Variants in TMEM143 observed in about 807,000 individuals in gnomAD.
TMEM143 encodes transmembrane protein 143.
TMEM143 carries 45 observed loss-of-function variants against 40.3 expected under a neutral mutation model. The ratio of observed to expected loss-of-function variants is 1.12; its 90% CI spans 0.88 to 1.43. The LOEUF is 1.43. Among genes scored for constraint, TMEM143 ranks in the 40% most tolerant of loss-of-function variants. The pLI is 0.00. For synonymous variants in TMEM143, 299 were observed against 282.7 expected (o/e 1.06, Z -0.58); for missense variants, 620 against 613.4 (o/e 1.01, Z -0.11).
At chr19:48,338,423 G>C (rs1360849427) in intron 6 of TMEM143, among the ~76,000 whole-genome samples, 3 of 152,272 alleles carry the variant, frequency 2.0e-5, no homozygotes. Context: ...GGCCCTCCCT[G>C]TCACCTCCTG....
rs369405370 is a variant in TMEM143 at position 48,345,325 on chromosome 19, C to T, written c.399G>A (p.Arg133=). Residue 133 remains arginine, a synonymous_variant, in exon 4 of 8, where the codon AGG becomes AGA. Coordinates refer to ENST00000293261, the MANE Select transcript of TMEM143 (RefSeq NM_018273.4). ...QALYDPINPD[R]ETLDQPSLTD... is the part of the protein sequence containing the mutation. ...TTAGTGATGGCTGATCGAGGGTCTC[C>T]CTGTCAGGGTTGATGGGGTCATATA... The T allele has an allele frequency of 3.8e-6, 6 of 1,586,714 alleles. No individual in the cohort carries two copies. The highest frequency in any genetic ancestry group is 1.2e-5 in the South Asian group (1 of 86,076).
chr19:48,342,769 G>T lies in TMEM143; in HGVS notation c.736C>A (p.Arg246=). 6.2e-7 allele frequency: 1 copy of T among 1,611,458 alleles called. No individual in the cohort carries two copies. Among genetic ancestry groups the T allele is most frequent in the East Asian group, 2.2e-5 (1 of 44,792 alleles). ...KRVVLAARTK[R]GHLVLKSFKD... is the part of the protein sequence containing the mutation. ...AAACTCTTCAGTACCAGGTGTCCCCGTTTGGTCCGGGCTGCCAGGACCACC... is the reference window on the plus strand; with the variant it reads ...AAACTCTTCAGTACCAGGTGTCCCCTTTTGGTCCGGGCTGCCAGGACCACC... The change falls in exon 6 of 8, where the codon CGG becomes AGG. Residue 246 remains arginine, a synonymous_variant. Transcript: ENST00000293261.
At chr19:48,363,160 C>T in intron 2 of TMEM143, 131 bp downstream of exon 2, 4 of 1,318,856 alleles carry the variant, frequency 3.0e-6, no homozygotes, top group Non-Finnish European at 3.0e-6. Context: ...ACTAGGGAAA[C>T]ACGAAGGGAC....
rs1156281763 is a variant in TMEM143, at chr19:48,363,525, C to G, written c.30G>C (p.Arg10=). The G allele has an allele frequency of 6.2e-7, 1 of 1,608,918 alleles. No homozygotes were observed. The highest frequency in any genetic ancestry group is 8.5e-7 in the Non-Finnish European group (1 of 1,177,246). Reference sequence around the variant, plus strand: ...CATGCAGCATGGCTAGACCCTTTCCCCGGAGCCTAAACAGAGGAAAATGGG... The same window carrying G: ...CATGCAGCATGGCTAGACCCTTTCCGCGGAGCCTAAACAGAGGAAAATGGG... MTVELWLRL[R]GKGLAMLHVT... Residue 10 remains arginine, a synonymous_variant, in exon 2 of 8, where the codon CGG becomes CGC. Transcript: ENST00000293261.
rs1308742920 is a variant in TMEM143, at chr19:48,332,841, T to C, written c.*378A>G. On this transcript the variant is annotated 3_prime_UTR_variant, in exon 8 of 8. Transcript: ENST00000293261. Reference sequence around the variant, plus strand: ...GGCTGAAAAAGACAATGATATATAGTCTCGGGAGGGCGCAGCTTTAACTCT... The same window carrying C: ...GGCTGAAAAAGACAATGATATATAGCCTCGGGAGGGCGCAGCTTTAACTCT... 6.0e-6 allele frequency: 1 copy of C among 165,408 alleles called. No homozygotes were observed. Among genetic ancestry groups the C allele is most frequent in the Non-Finnish European group, 1.3e-5 (1 of 76,994 alleles). The allele number at this position is 165,408 out of a possible 1,614,324, so 10.2% of individuals were successfully genotyped here.
At chr19:48,360,746 G>A (rs997834959) in intron 2 of TMEM143, among the ~76,000 whole-genome samples, 7 of 151,928 alleles carry the variant, frequency 4.6e-5, no homozygotes, top group African/African-American at 1.5e-4. Flanking sequence ...TTCCAGGAAC[G>A]GTTTGACAGT....
At chr19:48,359,100 C>T (rs954466039) in intron 3 of TMEM143, among the ~76,000 whole-genome samples, 5 of 152,032 alleles carry the variant, frequency 3.3e-5, no homozygotes, top group African/African-American at 7.2e-5. Flanking sequence ...ACTGGGGAGG[C>T]GGAGGTTTGC....
chr19:48,337,068 C>T (rs1487488344), intron 6 of TMEM143, among the ~76,000 whole-genome samples: 1 of 151,754 alleles, frequency 6.6e-6, no homozygotes, highest in Non-Finnish European at 1.5e-5. Flanking sequence ...TGTACCTGTA[C>T]CCAGATTCCT....
rs1194188061 is a variant in TMEM143, at chr19:48,352,254, A to AAAAAAAAAAAC, written c.370-6901_370-6900insGTTTTTTTTTT. ...AGAGTGAGACTCTGTCTCAAAAAAA[A>AAAAAAAAAAAC]AAAAAAAACACCATATCTGCATATA... On this transcript the variant is annotated intron_variant, in intron 3 of 7. Coordinates refer to ENST00000293261, the MANE Select transcript of TMEM143 (RefSeq NM_018273.4). Among the ~76,000 whole-genome samples the AAAAAAAAAAAC allele has an allele frequency of 2.0e-5, 3 of 148,046 alleles. No homozygotes were observed. In the East Asian group the frequency reaches 6.0e-4, roughly 29 times the overall value.
At chr19:48,338,479 C>G (rs1029405599) in intron 6 of TMEM143, among the ~76,000 whole-genome samples, 4 of 152,240 alleles carry the variant, frequency 2.6e-5, no homozygotes, top group Non-Finnish European at 5.9e-5. Context: ...CCGGTTTACC[C>G]TGAACAGGTC....
intron 4 of TMEM143, among the ~76,000 whole-genome samples, chr19:48,344,618 G>A (rs1969580588): frequency 6.6e-6 from 1 of 151,994 alleles, no homozygotes; most frequent in South Asian, 2.1e-4. Context: ...TTACAATTTT[G>A]GCAGATGGTG....
At chr19:48,363,166 G>A in intron 2 of TMEM143, 125 bp downstream of exon 2, 7 of 1,342,570 alleles carry the variant, frequency 5.2e-6, no homozygotes, top group East Asian at 2.6e-5. Flanking sequence ...GAAACACGAA[G>A]GGACCCGGGA....
intron 6 of TMEM143, among the ~76,000 whole-genome samples, chr19:48,334,809 C>G (rs1345584222): frequency 2.0e-5 from 3 of 152,058 alleles, no homozygotes; most frequent in Non-Finnish European, 4.4e-5. Flanking sequence ...GTCTCAAACT[C>G]CCAGCCTGGA....
At chr19:48,341,036 G>C (rs984362365) in intron 6 of TMEM143, among the ~76,000 whole-genome samples, 3 of 152,320 alleles carry the variant, frequency 2.0e-5, no homozygotes. Flanking sequence ...GCACAGCCTG[G>C]CTATTATCTG....
At chr19:48,358,995 C>G (rs948393170) in intron 3 of TMEM143, among the ~76,000 whole-genome samples, 1 of 152,088 alleles carries the variant, frequency 6.6e-6, no homozygotes, top group Non-Finnish European at 1.5e-5. Flanking sequence ...ATGGTGAAAC[C>G]CAGTCTCTAC....
chr19:48,363,276 TGGGACAGGC>T lies in TMEM143; in HGVS notation c.264+6_264+14del, dbSNP rs1248008270. ...GCCGTAGTCCCCAGGCTCTTGGGCC[TGGGACAGGC>T]GGTACCTGTATTAGGAGGCGGAGCA... On this transcript the variant is annotated splice_donor_region_variant and intron_variant, in intron 2 of 7. Transcript: ENST00000293261. 1 of 1,606,764 alleles carries T rather than the reference TGGGACAGGC, an allele frequency of 6.2e-7. No homozygotes were observed. The highest frequency in any genetic ancestry group is 8.5e-7 in the Non-Finnish European group (1 of 1,176,102).
chr19:48,341,048 G>A (rs531106856), intron 6 of TMEM143, among the ~76,000 whole-genome samples: 44 of 152,314 alleles, frequency 2.9e-4, no homozygotes, highest in African/African-American at 9.6e-4. Context: ...TATTATCTGC[G>A]GGATTTATTA....
chr19:48,362,271 G>A (rs985459911), intron 2 of TMEM143, among the ~76,000 whole-genome samples: 2 of 152,154 alleles, frequency 1.3e-5, no homozygotes, highest in African/African-American at 2.4e-5. Flanking sequence ...GAGGTGTGGT[G>A]GCTCATACCT....
chr19:48,361,759 C>A (rs956585449), intron 2 of TMEM143, among the ~76,000 whole-genome samples: 3 of 149,910 alleles, frequency 2.0e-5, no homozygotes, highest in African/African-American at 7.4e-5. Context: ...AATCTCCTGA[C>A]CTCGTGATCT....
Sources: gnomAD v4.1 joint callset for allele counts (sites outside exome capture counted in the v4.1 genomes callset) on GRCh38, gnomAD v4.1.1 for gene constraint, MANE v1.5 for transcripts, NCBI Gene and HGNC (gene_info 2026-07-23, HGNC 2026-07-21) for gene names.